The following DUSP22 variants were observed in gnomAD, a reference collection of about 807,000 sequenced individuals.
DUSP22 encodes the protein dual specificity phosphatase 22.
A neutral mutation model predicts 24.5 loss-of-function variants in DUSP22; 24 were observed. That is an observed-to-expected ratio of 0.98 (90% confidence interval 0.71 to 1.38). DUSP22 has a LOEUF of 1.38. Ranked by LOEUF, DUSP22 falls within the 40% of genes most tolerant of loss-of-function variation. The pLI, the probability that DUSP22 is intolerant of heterozygous loss-of-function variation, is 0.00. For synonymous variants in DUSP22, 160 were observed against 106.4 expected (o/e 1.50, Z -3.10); for missense variants, 330 against 269.2 (o/e 1.23, Z -1.58).
chr6:330,312 A>T (rs1272199723), intron 3 of DUSP22, among the ~76,000 whole-genome samples: 1 of 152,298 alleles, frequency 6.6e-6, no homozygotes, highest in African/African-American at 2.4e-5. Flanking sequence ...TCCTGCAGGG[A>T]TCCAGTTCTG....
At chr6:315,962 C>A (rs1037630313) in intron 3 of DUSP22, among the ~76,000 whole-genome samples, 1 of 152,310 alleles carries the variant, frequency 6.6e-6, no homozygotes, top group Non-Finnish European at 1.5e-5. Flanking sequence ...CCCATAGGAA[C>A]AGAGCCTGTG....
At chr6:299,522 T>G (rs1757487777) in intron 1 of DUSP22, among the ~76,000 whole-genome samples, 1 of 152,306 alleles carries the variant, frequency 6.6e-6, no homozygotes, top group African/African-American at 2.4e-5. Flanking sequence ...TGTTTGTAAT[T>G]CTATATGGAA....
At chr6:322,248 C>T (rs184819345) in intron 3 of DUSP22, among the ~76,000 whole-genome samples, 229 of 152,334 alleles carry the variant, frequency 1.5e-3, no homozygotes, top group Non-Finnish European at 2.5e-3. Flanking sequence ...ATGGTGGGGC[C>T]ATCCTCCAGC....
chr6:330,520 C>T (rs990524780), intron 3 of DUSP22, among the ~76,000 whole-genome samples: 5 of 152,308 alleles, frequency 3.3e-5, no homozygotes, highest in African/African-American at 1.2e-4. Flanking sequence ...CTTTACCAGT[C>T]GTGAAATCAG....
intron 3 of DUSP22, among the ~76,000 whole-genome samples, chr6:332,558 C>T (rs1021565488): frequency 6.6e-6 from 1 of 152,298 alleles, no homozygotes; most frequent in African/African-American, 2.4e-5. Flanking sequence ...CCATAGGAAG[C>T]ACAATACTGT....
intron 1 of DUSP22, among the ~76,000 whole-genome samples, chr6:296,106 A>G (rs1318003485): frequency 6.6e-5 from 10 of 152,300 alleles, no homozygotes; most frequent in Admixed American, 6.5e-4. Flanking sequence ...ATTACTTGTC[A>G]AATAGCCAAA....
intron 2 of DUSP22, 31 bp downstream of exon 2, chr6:304,692 A>T (rs774070772): frequency 6.2e-7 from 1 of 1,613,230 alleles, no homozygotes; most frequent in Non-Finnish European, 8.5e-7. Flanking sequence ...TGTTGTGATA[A>T]AATACACATA....
At chr6:345,980 C>T (rs1248348324) in intron 5 of DUSP22, 52 bp downstream of exon 5, 2 of 1,604,068 alleles carry the variant, frequency 1.2e-6, no homozygotes, top group Non-Finnish European at 1.7e-6. Context: ...GTCGGCTTGG[C>T]TTCCCATCAA....
At chr6:331,764 CTT>C (rs1252748644) in intron 3 of DUSP22, among the ~76,000 whole-genome samples, 1 of 152,310 alleles carries the variant, frequency 6.6e-6, no homozygotes, top group African/African-American at 2.4e-5. Context: ...TTGGGAGAGA[CTT>C]TTCATGCTTT....
chr6:349,191 A>G lies in DUSP22; in HGVS notation c.*240A>G, dbSNP rs1428610110. On this transcript the variant is annotated 3_prime_UTR_variant, in exon 7 of 7. Coordinates refer to ENST00000419235, the MANE Select transcript of DUSP22 (RefSeq NM_001286555.3). ...TGGGGATGTTGCCCAGTGGCTGTGC[A>G]CTGCTCTGTGCACGTGCGTGTGTGT... 7.0e-7 allele frequency: 1 copy of G among 1,422,126 alleles called. No homozygotes were observed. Among genetic ancestry groups the G allele is most frequent in the Non-Finnish European group, 9.2e-7 (1 of 1,092,208 alleles). The allele number at this position is 1,422,126 out of a possible 1,614,324, so 88.1% of individuals were successfully genotyped here. A position where few individuals can be genotyped will look rare whatever the true frequency, so the allele number is the denominator to read the frequency against.
intron 4 of DUSP22, among the ~76,000 whole-genome samples, chr6:342,115 T>A (rs897184526): frequency 6.6e-5 from 10 of 152,416 alleles, no homozygotes; most frequent in African/African-American, 2.4e-4. Flanking sequence ...CAACTGAATG[T>A]GACCCCAATC....
At chr6:300,902 C>A (rs1295470742) in intron 1 of DUSP22, among the ~76,000 whole-genome samples, 1 of 152,306 alleles carries the variant, frequency 6.6e-6, no homozygotes, top group East Asian at 1.9e-4. Context: ...GGAGCAGATG[C>A]TGTAAGTGGT....
chr6:335,713 C>T (rs1189888979), intron 4 of DUSP22, among the ~76,000 whole-genome samples: 2 of 152,310 alleles, frequency 1.3e-5, no homozygotes, highest in Admixed American at 1.3e-4. Flanking sequence ...CATACGAAGT[C>T]TGGGGGCTCT....
chr6:320,649 A>G (rs923531833), intron 3 of DUSP22, among the ~76,000 whole-genome samples: 2 of 152,288 alleles, frequency 1.3e-5, no homozygotes, highest in Non-Finnish European at 2.9e-5. Flanking sequence ...TTTGGGGAAG[A>G]CTTTGTAAAG....
At chr6:317,804 C>T (rs1758401205) in intron 3 of DUSP22, among the ~76,000 whole-genome samples, 1 of 152,308 alleles carries the variant, frequency 6.6e-6, no homozygotes, top group African/African-American at 2.4e-5. Flanking sequence ...CAGATGTCTG[C>T]TGATGAAAGG....
At chr6:346,896 A>G (rs1422339394) in intron 5 of DUSP22, among the ~76,000 whole-genome samples, 2 of 152,298 alleles carry the variant, frequency 1.3e-5, no homozygotes, top group African/African-American at 2.4e-5. Flanking sequence ...TGAAAACTAT[A>G]ATGTGTTCTG....
At chr6:312,144 G>T (rs183009957) in intron 3 of DUSP22, among the ~76,000 whole-genome samples, 182 bp downstream of exon 3, 2 of 152,302 alleles carry the variant, frequency 1.3e-5, no homozygotes, top group Non-Finnish European at 2.9e-5. Flanking sequence ...GTGGCGCGAG[G>T]GTGTGTGCTT....
chr6:331,176 G>A (rs1759124427), intron 3 of DUSP22, among the ~76,000 whole-genome samples: 4 of 152,302 alleles, frequency 2.6e-5, no homozygotes, highest in Admixed American at 1.3e-4. Context: ...ACGTTTAATA[G>A]CCTCATAAAA....
At chr6:311,419 G>A (rs546821560) in intron 2 of DUSP22, among the ~76,000 whole-genome samples, 18 of 152,406 alleles carry the variant, frequency 1.2e-4, no homozygotes, top group Admixed American at 3.3e-4. Flanking sequence ...GGTGGCTCAC[G>A]CCTGTAATCC....
Sources: allele counts gnomAD v4.1 joint callset (sites outside exome capture counted in the v4.1 genomes callset), GRCh38; gene constraint gnomAD v4.1.1; transcripts MANE v1.5; gene names NCBI Gene and HGNC (gene_info 2026-07-23, HGNC 2026-07-21).